VAV3: variants seen among roughly 807,000 people sequenced by gnomAD.
VAV3 encodes guanine nucleotide exchange factor VAV3.
VAV3 carries 94 observed loss-of-function variants against 131.2 expected under a neutral mutation model. The observed-to-expected ratio is 0.72, with a 90% CI of 0.61 to 0.85. The LOEUF (loss-of-function observed/expected upper bound fraction) is 0.85. Ranked by LOEUF, VAV3 falls within the 40% of genes least tolerant of loss-of-function variation. The pLI, the probability that VAV3 is intolerant of heterozygous loss-of-function variation, is 0.00. For synonymous variants in VAV3, 349 were observed against 342.0 expected, an observed-to-expected ratio of 1.02 and a Z score of -0.22; for missense variants, 939 against 1,002.7, an observed-to-expected ratio of 0.94 and a Z score of 0.86.
At chr1:107,924,929 C>G (rs1203761507) in intron 1 of VAV3, among the ~76,000 whole-genome samples, 1 of 152,010 alleles carries the variant, frequency 6.6e-6, no homozygotes, top group African/African-American at 2.4e-5. Context: ...GAAATGTGTC[C>G]CAAAAGATAT....
intron 9 of VAV3, among the ~76,000 whole-genome samples, chr1:107,761,985 T>C (rs1356482058): frequency 6.6e-6 from 1 of 152,188 alleles, no homozygotes; most frequent in Non-Finnish European, 1.5e-5. Context: ...ATAATAATTA[T>C]GACTTTGAGT....
chr1:107,963,487 G>A (rs1675241806), intron 1 of VAV3: 1 of 152,234 alleles, frequency 6.6e-6, no homozygotes, highest in African/African-American at 2.4e-5. Context: ...CCCACCAGCA[G>A]GTTGAAGGCA....
At chr1:107,656,943 CTTTTTTT>C (rs57081639) in intron 19 of VAV3, among the ~76,000 whole-genome samples, 1 of 67,740 alleles carries the variant, frequency 1.5e-5, no homozygotes, top group Admixed American at 2.0e-4. Context: ...CAAGACAATC[CTTTTTTT>C]TTTTTTTTTT....
rs775343339 is a variant in VAV3 at position 107,609,948 on chromosome 1, A to T, written c.1998T>A (p.Asp666Glu). Residue 666 changes from aspartate (D) to glutamate (E), a missense_variant, in exon 22 of 27, where the codon GAT (aspartate) becomes GAA (glutamate). Asp to Glu is a conservative substitution (Grantham distance 45). Transcript: ENST00000370056. ...ATACTTACCAGGGTTGGCAAGAATA[A>T]TCTACTGGTTTGGGCACCTAGGATA... is the stretch of plus-strand genomic sequence containing the variant. ...KPCPCVPKPV[D>E]YSCQPWYAGA... is the part of the protein sequence containing the mutation. The T allele has an allele frequency of 1.2e-6, 2 of 1,613,694 alleles. No homozygotes were observed. Among genetic ancestry groups the T allele is most frequent in the Non-Finnish European group, 1.7e-6 (2 of 1,179,692 alleles).
At chr1:107,791,384 CAAA>C (rs11358290) in intron 2 of VAV3, among the ~76,000 whole-genome samples, 3 of 145,686 alleles carry the variant, frequency 2.1e-5, no homozygotes, top group Admixed American at 6.8e-5. Flanking sequence ...TTGGTGATAT[CAAA>C]AAAAAAAAAA....
At chr1:107,722,403 A>C (rs1193650109) in intron 15 of VAV3, among the ~76,000 whole-genome samples, 3 of 152,218 alleles carry the variant, frequency 2.0e-5, no homozygotes, top group Non-Finnish European at 4.4e-5. Flanking sequence ...CTCCCAAATG[A>C]GGCAAAAAAG....
chr1:107,618,456 T>C (rs969715973), intron 20 of VAV3, among the ~76,000 whole-genome samples: 3 of 152,116 alleles, frequency 2.0e-5, no homozygotes, highest in Non-Finnish European at 4.4e-5. Context: ...GAAAAAGAAA[T>C]AGGATACTTA....
chr1:107,881,435 A>G (rs1333271202), intron 1 of VAV3, among the ~76,000 whole-genome samples: 3 of 152,198 alleles, frequency 2.0e-5, no homozygotes, highest in African/African-American at 7.2e-5. Flanking sequence ...ATTGGGGGAC[A>G]TAGTATGTGA....
At chr1:107,838,585 C>T (rs1035150646) in intron 2 of VAV3, among the ~76,000 whole-genome samples, 2 of 152,148 alleles carry the variant, frequency 1.3e-5, no homozygotes, top group African/African-American at 4.8e-5. Flanking sequence ...ACCATTCAAT[C>T]CAGCAATCCA....
chr1:107,639,269 A>G (rs558748652), intron 20 of VAV3, among the ~76,000 whole-genome samples: 1 of 152,268 alleles, frequency 6.6e-6, no homozygotes, highest in African/African-American at 2.4e-5. Flanking sequence ...GGGTAGGCAA[A>G]GATTTGTTAG....
intron 15 of VAV3, among the ~76,000 whole-genome samples, chr1:107,711,246 T>C (rs529248173): frequency 4.6e-5 from 7 of 152,334 alleles, no homozygotes; most frequent in South Asian, 2.1e-4. Flanking sequence ...AAGTTTCTAA[T>C]GCTCTCTAGC....
intron 15 of VAV3, among the ~76,000 whole-genome samples, chr1:107,739,464 T>C (rs529159489): frequency 6.6e-6 from 1 of 151,656 alleles, no homozygotes; most frequent in East Asian, 1.9e-4. Flanking sequence ...TCAGGGAGAG[T>C]TGAGCTGGCT....
chr1:107,917,779 A>C (rs1309566484), intron 1 of VAV3, among the ~76,000 whole-genome samples: 1 of 152,040 alleles, frequency 6.6e-6, no homozygotes, highest in Non-Finnish European at 1.5e-5. Flanking sequence ...TCAATTTTGG[A>C]ATACTTTCAA....
At chr1:107,954,533 AAT>A (rs1491556795) in intron 1 of VAV3, among the ~76,000 whole-genome samples, 1 of 94,596 alleles carries the variant, frequency 1.1e-5, no homozygotes, top group Non-Finnish European at 2.1e-5. Context: ...TCCTGAGGCA[AAT>A]TTTTTTTTTT....
At chr1:107,743,561 T>C (rs190372959) in intron 15 of VAV3, among the ~76,000 whole-genome samples, 40 of 152,300 alleles carry the variant, frequency 2.6e-4, no homozygotes, top group South Asian at 1.9e-3. Flanking sequence ...TTAAATTCAA[T>C]TGCAATGGCT....
intron 15 of VAV3, among the ~76,000 whole-genome samples, chr1:107,714,757 T>C (rs944667378): frequency 7.2e-5 from 11 of 152,180 alleles, no homozygotes; most frequent in African/African-American, 2.4e-4. Flanking sequence ...CATCTTCACC[T>C]ATTCCTTTCC....
intron 20 of VAV3, among the ~76,000 whole-genome samples, chr1:107,635,934 C>T (rs1336631081): frequency 6.6e-6 from 1 of 152,152 alleles, no homozygotes; most frequent in Non-Finnish European, 1.5e-5. Flanking sequence ...TGCCTCAGTT[C>T]ACTCATCTAT....
chr1:107,773,245 T>A (rs1315735543), intron 4 of VAV3, among the ~76,000 whole-genome samples: 2 of 152,212 alleles, frequency 1.3e-5, no homozygotes, highest in Admixed American at 1.3e-4. Context: ...ATCCAATATT[T>A]AAAACCAAGT....
At chr1:107,788,624 C>A (rs148007194) in intron 2 of VAV3, among the ~76,000 whole-genome samples, 1 of 152,162 alleles carries the variant, frequency 6.6e-6, no homozygotes, top group Non-Finnish European at 1.5e-5. Flanking sequence ...TCCCCCGGTC[C>A]AAATAGCAAA....
Sources: allele counts gnomAD v4.1 joint callset (sites outside exome capture counted in the v4.1 genomes callset), GRCh38; gene constraint gnomAD v4.1.1; transcripts MANE v1.5; gene names NCBI Gene and HGNC (gene_info 2026-07-23, HGNC 2026-07-21).